TSPAN2: variants seen among roughly 807,000 people sequenced by gnomAD.
TSPAN2 encodes tetraspanin 2.
In TSPAN2, 24 loss-of-function variants were observed where a neutral mutation model predicts 33.3. That is an observed-to-expected ratio of 0.72 (90% CI 0.52 to 1.01). TSPAN2 has a LOEUF of 1.01. Among genes scored for constraint, TSPAN2 ranks in the 50% least tolerant of loss-of-function variants. The pLI, the probability that TSPAN2 is intolerant of heterozygous loss-of-function variation, is 0.00. For synonymous variants in TSPAN2, 114 were observed against 104.5 expected, an observed-to-expected ratio of 1.09 and a Z score of -0.56; for missense variants, 278 against 281.3, an observed-to-expected ratio of 0.99 and a Z score of 0.08.
At chr1:115,085,174 A>G (rs1165172288) in intron 1 of TSPAN2, among the ~76,000 whole-genome samples, 3 of 152,254 alleles carry the variant, frequency 2.0e-5, no homozygotes, top group Admixed American at 6.5e-5. Flanking sequence ...GTGCTATCTG[A>G]TCGCAGGTCT....
At chr1:115,076,287 G>T (rs1648409771) in intron 1 of TSPAN2, among the ~76,000 whole-genome samples, 1 of 152,164 alleles carries the variant, frequency 6.6e-6, no homozygotes, top group Non-Finnish European at 1.5e-5. Flanking sequence ...GTCTGGGGGA[G>T]GTCGGAGGTT....
rs543359191 is a variant in TSPAN2, at chr1:115,070,458, C to A, written c.172+2447G>T. On this transcript the variant is annotated intron_variant, in intron 2 of 7. Transcript: ENST00000369516. Reference sequence around the variant, plus strand: ...TCTTTAAAGTACAGTGCAGATCATACCCTACCCCCGGCCCCAAATCATTCT... The same window carrying A: ...TCTTTAAAGTACAGTGCAGATCATAACCTACCCCCGGCCCCAAATCATTCT... 7.3e-5 allele frequency among the ~76,000 whole-genome samples: 11 copies of A among 150,202 alleles called. No individual in the cohort carries two copies. The East Asian group carries it at 1.4e-3, about 19-fold the overall frequency.
chr1:115,089,350 G>T lies in TSPAN2; in HGVS notation c.69+14C>A. ...CCCCCTGCCCTGACCGGCCCTCCCG[G>T]CTCCTGGTCTCACCCAGAAGAGCAG... On this transcript the variant is annotated intron_variant, in intron 1 of 7. Coordinates refer to ENST00000369516, the MANE Select transcript of TSPAN2 (RefSeq NM_005725.6). 6.4e-7 allele frequency: 1 copy of T among 1,570,614 alleles called. No individual in the cohort carries two copies. Among genetic ancestry groups the T allele is most frequent in the Non-Finnish European group, 8.6e-7 (1 of 1,159,326 alleles).
In TSPAN2 at chr1:115,058,982, C is replaced by T; in HGVS notation, c.346-1G>A. Reference sequence around the variant, plus strand: ...ACATGGTCTGAACATGTCGGATAGCCTGAAGAAATACAAGGAAAAATGAAG... The same window carrying T: ...ACATGGTCTGAACATGTCGGATAGCTTGAAGAAATACAAGGAAAAATGAAG... On this transcript the variant is annotated splice_acceptor_variant, in intron 4 of 7. Transcript: ENST00000369516. LOFTEE classifies it high-confidence loss of function. The T allele has an allele frequency of 6.2e-7, 1 of 1,610,710 alleles. No individual in the cohort carries two copies. The highest frequency in any genetic ancestry group is 8.5e-7 in the Non-Finnish European group (1 of 1,178,452).
intron 1 of TSPAN2, 48 bp downstream of exon 1, chr1:115,089,316 G>GCCCCCAGC: frequency 4.9e-6 from 5 of 1,012,872 alleles, no homozygotes; most frequent in Non-Finnish European, 7.2e-6. Context: ...CCCCGCGCCC[G>GCCCCCAGC]CCACCCGGCC....
Position 115,060,512 on chromosome 1 carries a change from A to T in TSPAN2, c.297T>A (p.Phe99Leu), listed in dbSNP as rs1242583060. The change falls in exon 4 of 8, where the codon TTT (phenylalanine) becomes TTA (leucine). Residue 99 changes from phenylalanine (F) to leucine (L), a missense_variant. Transcript: ENST00000369516. ...ATACTCCAGTGGTTACTTCAGCAGC[A>T]AATATCACCAGGAGGCAGGTAAAAA... ...GSFFTCLLVI[F>L]AAEVTTGVFA... is the part of the protein sequence containing the mutation. 6.2e-7 allele frequency: 1 copy of T among 1,613,574 alleles called. No individual in the cohort carries two copies. The highest frequency in any genetic ancestry group is 1.3e-5 in the African/African-American group (1 of 74,932).
intron 2 of TSPAN2, among the ~76,000 whole-genome samples, chr1:115,071,669 G>A (rs1355163828): frequency 6.6e-6 from 1 of 152,164 alleles, no homozygotes; most frequent in Non-Finnish European, 1.5e-5. Flanking sequence ...TAAAATAATT[G>A]AGTGTTTTAC....
intron 7 of TSPAN2, among the ~76,000 whole-genome samples, chr1:115,051,793 G>A (rs748438317): frequency 1.3e-5 from 2 of 152,174 alleles, no homozygotes; most frequent in Non-Finnish European, 2.9e-5. Context: ...TGGATGACAG[G>A]ACTCAGTACC....
At chr1:115,075,132 G>T (rs527538963) in intron 1 of TSPAN2, among the ~76,000 whole-genome samples, 3 of 152,290 alleles carry the variant, frequency 2.0e-5, no homozygotes, top group East Asian at 3.9e-4. Context: ...ATTTATAGCT[G>T]TCTGGGATTA....
chr1:115,062,978 C>G (rs577672898), intron 2 of TSPAN2, among the ~76,000 whole-genome samples: 1 of 152,176 alleles, frequency 6.6e-6, no homozygotes, highest in Non-Finnish European at 1.5e-5. Context: ...GGCCCTGAGG[C>G]CTTGCTGCTC....
chr1:115,089,291 G>GCT, intron 1 of TSPAN2, 73 bp downstream of exon 1: 1 of 1,378,030 alleles, frequency 7.3e-7, no homozygotes. Context: ...GCAGTCAGCA[G>GCT]CTCGGGGACC....
intron 2 of TSPAN2, among the ~76,000 whole-genome samples, chr1:115,066,562 G>A (rs534645122): frequency 1.3e-5 from 2 of 152,036 alleles, no homozygotes; most frequent in Admixed American, 6.6e-5. Flanking sequence ...ACCTCCTAAC[G>A]GCCTACTGGG....
At chr1:115,086,726 A>G (rs546042053) in intron 1 of TSPAN2, among the ~76,000 whole-genome samples, 143 of 152,274 alleles carry the variant, frequency 9.4e-4, no homozygotes, top group African/African-American at 3.2e-3. Flanking sequence ...CGTTTCCTCA[A>G]TGAGATGAGC....
chr1:115,060,790 T>C (rs1370059132), intron 3 of TSPAN2, among the ~76,000 whole-genome samples: 1 of 152,164 alleles, frequency 6.6e-6, no homozygotes, highest in Admixed American at 6.5e-5. Context: ...CAGAGGAATA[T>C]ACGATAACTG....
chr1:115,089,479 A>G lies in TSPAN2; in HGVS notation c.-47T>C, dbSNP rs1305693023. 5 of 1,338,584 alleles carry G rather than the reference A, an allele frequency of 3.7e-6. No homozygotes were observed. The highest frequency in any genetic ancestry group is 4.9e-6 in the Non-Finnish European group (5 of 1,029,992). 82.9% of individuals were successfully genotyped at this position (1,338,584 alleles called of 1,614,324 possible). On this transcript the variant is annotated 5_prime_UTR_variant, in exon 1 of 8. Transcript: ENST00000369516. ...CCCCAGTCCCCAGGCCCGCGCTACG[A>G]GCGCGGGGAGCGGCAGGCTCCGGCG...
At chr1:115,073,485 TG>T (rs1392607823) in intron 1 of TSPAN2, among the ~76,000 whole-genome samples, 1 of 151,610 alleles carries the variant, frequency 6.6e-6, no homozygotes, top group Non-Finnish European at 1.5e-5. Flanking sequence ...CTTTTCTGAA[TG>T]GGAAGAAAAT....
At position 115,074,250 on chromosome 1, in the gene TSPAN2, G is replaced by A. The variant is rs140500595; in HGVS notation, c.70-1243C>T. 5.9e-5 allele frequency among the ~76,000 whole-genome samples: 9 copies of A among 152,284 alleles called. No individual in the cohort carries two copies. The East Asian group carries it at 1.5e-3, about 26-fold the overall frequency. ...ACAGCATAGTCCTTTTTATACAGGGGACTTCTGTCTTGCCAGGCAGCTTAT... is the reference window on the plus strand; with the variant it reads ...ACAGCATAGTCCTTTTTATACAGGGAACTTCTGTCTTGCCAGGCAGCTTAT... On this transcript the variant is annotated intron_variant, in intron 1 of 7. Coordinates refer to ENST00000369516, the MANE Select transcript of TSPAN2 (RefSeq NM_005725.6).
At chr1:115,060,616 T>C in intron 3 of TSPAN2, 78 bp from the exon 4 acceptor site, 1 of 1,100,978 alleles carries the variant, frequency 9.1e-7, no homozygotes, top group Non-Finnish European at 1.3e-6. Context: ...AGTTTCCTTA[T>C]GTAATGGCTG....
At chr1:115,087,739 G>A (rs117508137) in intron 1 of TSPAN2, among the ~76,000 whole-genome samples, 41 of 152,122 alleles carry the variant, frequency 2.7e-4, no homozygotes, top group Middle Eastern at 3.2e-3. Context: ...AAAAAATGGG[G>A]ATAATAATAG....
Sources: allele counts gnomAD v4.1 joint callset (sites outside exome capture counted in the v4.1 genomes callset), GRCh38; gene constraint gnomAD v4.1.1; transcripts MANE v1.5; gene names NCBI Gene and HGNC (gene_info 2026-07-23, HGNC 2026-07-21).